Variants in PPP1R9A observed in about 807,000 individuals in gnomAD.
PPP1R9A encodes neurabin-1.
In PPP1R9A, 59 loss-of-function variants were observed where a neutral mutation model predicts 141.9. The ratio of observed to expected loss-of-function variants is 0.42; its 90% CI spans 0.34 to 0.52. The LOEUF (loss-of-function observed/expected upper bound fraction) is 0.52. Among genes scored for constraint, PPP1R9A ranks in the 20% least tolerant of loss-of-function variants. The probability of loss-of-function intolerance (pLI) is 0.10; values close to 1 mark genes in which losing one functional copy is unlikely to be tolerated. For synonymous variants in PPP1R9A, 500 were observed against 569.7 expected (o/e 0.88, Z 1.74); for missense variants, 1,444 against 1,611.9 (o/e 0.90, Z 1.78).
At chr7:94,954,855 GTGTGTGTGTA>G (rs959209734) in intron 2 of PPP1R9A, among the ~76,000 whole-genome samples, 11 of 141,314 alleles carry the variant, frequency 7.8e-5, no homozygotes, top group East Asian at 2.2e-4. Flanking sequence ...GTGTGTGTGT[GTGTGTGTGTA>G]TATGTATATG....
intron 16 of PPP1R9A, among the ~76,000 whole-genome samples, chr7:95,275,980 T>C (rs1803111126): frequency 6.6e-6 from 1 of 152,206 alleles, no homozygotes; most frequent in South Asian, 2.1e-4. Flanking sequence ...ATCTCGAAAG[T>C]AGTTTAACTT....
chr7:95,038,309 C>T (rs1808737640), intron 2 of PPP1R9A, among the ~76,000 whole-genome samples: 1 of 152,068 alleles, frequency 6.6e-6, no homozygotes, highest in Non-Finnish European at 1.5e-5. Context: ...CTGCTAGAGT[C>T]ATAAACTGGT....
At chr7:95,270,806 C>T (rs1802055588) in intron 14 of PPP1R9A, among the ~76,000 whole-genome samples, 2 of 152,030 alleles carry the variant, frequency 1.3e-5, no homozygotes, top group African/African-American at 4.8e-5. Flanking sequence ...CATTATTTGA[C>T]CCAGAAGATG....
intron 2 of PPP1R9A, among the ~76,000 whole-genome samples, chr7:95,020,167 G>A (rs1182491368): frequency 1.3e-5 from 2 of 152,068 alleles, no homozygotes; most frequent in African/African-American, 4.8e-5. Flanking sequence ...AAAGTGCAAT[G>A]AACCTGTAGT....
intron 5 of PPP1R9A, among the ~76,000 whole-genome samples, chr7:95,182,863 C>T (rs1015054957): frequency 2.0e-5 from 3 of 151,574 alleles, no homozygotes; most frequent in Non-Finnish European, 4.4e-5. Flanking sequence ...TGTGATTTTG[C>T]CTTGATGAGG....
At chr7:94,954,654 G>A (rs1477927353) in intron 2 of PPP1R9A, among the ~76,000 whole-genome samples, 1 of 150,332 alleles carries the variant, frequency 6.7e-6, no homozygotes, top group African/African-American at 2.4e-5. Flanking sequence ...TAATATATTT[G>A]TGATTATTTT....
chr7:95,268,509 T>C (rs374837765), intron 12 of PPP1R9A, 41 bp from the exon 13 acceptor site: 6 of 1,607,982 alleles, frequency 3.7e-6, no homozygotes, highest in Non-Finnish European at 5.1e-6. Flanking sequence ...ATCAGTTCTC[T>C]CCAAAGGTTT....
At chr7:94,969,560 C>T (rs1798627602) in intron 2 of PPP1R9A, among the ~76,000 whole-genome samples, 1 of 152,144 alleles carries the variant, frequency 6.6e-6, no homozygotes, top group Non-Finnish European at 1.5e-5. Context: ...AGTCAGATCT[C>T]TCCTGTATGA....
intron 2 of PPP1R9A, among the ~76,000 whole-genome samples, chr7:94,954,446 A>G (rs1036481328): frequency 6.6e-6 from 1 of 151,872 alleles, no homozygotes; most frequent in Non-Finnish European, 1.5e-5. Flanking sequence ...CCTTATTTCT[A>G]CTTAAGTCTA....
chr7:94,973,052 G>A (rs974461229), intron 2 of PPP1R9A, among the ~76,000 whole-genome samples: 3 of 125,718 alleles, frequency 2.4e-5, no homozygotes, highest in Middle Eastern at 3.9e-3. Flanking sequence ...AAATTACTTC[G>A]TACTTTTCCA....
At chr7:95,018,140 A>C (rs554451249) in intron 2 of PPP1R9A, 1 of 196,926 alleles carries the variant, frequency 5.1e-6, no homozygotes, top group African/African-American at 2.3e-5. Context: ...GAGAAGGGAA[A>C]ATTATCCCCA....
intron 12 of PPP1R9A, among the ~76,000 whole-genome samples, chr7:95,262,590 T>C (rs1800599979): frequency 6.6e-6 from 1 of 152,164 alleles, no homozygotes; most frequent in Non-Finnish European, 1.5e-5. Context: ...TTCTGAGATA[T>C]GGATAACAGA....
rs180768866 is a variant in PPP1R9A at position 95,019,848 on chromosome 7, C to T, written c.1396-91411C>T. Among the ~76,000 whole-genome samples the T allele has an allele frequency of 1.9e-3, 293 of 152,178 alleles. 2 individuals carry two copies. The highest frequency in any genetic ancestry group is 6.5e-3 in the African/African-American group (268 of 41,498). On this transcript the variant is annotated intron_variant, in intron 2 of 19. Coordinates refer to ENST00000433360, the MANE Select transcript of PPP1R9A (RefSeq NM_001166160.2). ...CTCGCCCAAACCAGCCATTCCACTC[C>T]TAGTTATTTATACAAGAGAAATGAA...
chr7:95,267,782 AGAGGC>A (rs1801533029), intron 12 of PPP1R9A, among the ~76,000 whole-genome samples: 1 of 152,196 alleles, frequency 6.6e-6, no homozygotes, highest in Non-Finnish European at 1.5e-5. Context: ...GAGATGAGTC[AGAGGC>A]ACATACAAAT....
At chr7:95,009,495 AT>A (rs1435442980) in intron 2 of PPP1R9A, among the ~76,000 whole-genome samples, 2 of 152,112 alleles carry the variant, frequency 1.3e-5, no homozygotes, top group Non-Finnish European at 2.9e-5. Flanking sequence ...TCCAGCTTTG[AT>A]TAGCACTTCT....
intron 4 of PPP1R9A, among the ~76,000 whole-genome samples, chr7:95,135,854 CTTT>C (rs58872136): frequency 1.4e-5 from 1 of 73,078 alleles, no homozygotes; most frequent in Non-Finnish European, 2.5e-5. Context: ...TTCAGCTTTA[CTTT>C]TTTTTTTTTT....
intron 5 of PPP1R9A, among the ~76,000 whole-genome samples, chr7:95,163,010 T>G (rs1442142395): frequency 6.6e-6 from 1 of 152,202 alleles, no homozygotes; most frequent in Non-Finnish European, 1.5e-5. Context: ...CTGAGTTGTG[T>G]GGGTGGGCCC....
At chr7:95,121,574 G>A (rs1822615095) in intron 4 of PPP1R9A, among the ~76,000 whole-genome samples, 1 of 152,092 alleles carries the variant, frequency 6.6e-6, no homozygotes, top group African/African-American at 2.4e-5. Context: ...GCTAGAAGCA[G>A]AAGGTGGTGT....
intron 2 of PPP1R9A, among the ~76,000 whole-genome samples, chr7:94,999,265 T>A (rs1458920997): frequency 6.6e-6 from 1 of 152,186 alleles, no homozygotes; most frequent in Non-Finnish European, 1.5e-5. Flanking sequence ...ATCTTCTTTA[T>A]GGGCAGTCTG....
Sources: gnomAD v4.1 joint callset for allele counts (sites outside exome capture counted in the v4.1 genomes callset) on GRCh38, gnomAD v4.1.1 for gene constraint, MANE v1.5 for transcripts, NCBI Gene and HGNC (gene_info 2026-07-23, HGNC 2026-07-21) for gene names.